The following TENT4B variants were observed in gnomAD, a reference collection of about 807,000 sequenced individuals.
The protein encoded by TENT4B is terminal nucleotidyltransferase 4B, also known as PAP associated domain containing 5.
In TENT4B, 10 loss-of-function variants were observed where a neutral mutation model predicts 75.0. The ratio of observed to expected loss-of-function variants is 0.13; its 90% CI spans 0.08 to 0.23. The LOEUF (loss-of-function observed/expected upper bound fraction) is 0.23. TENT4B is among the 10% of genes least tolerant of loss of function. The pLI, the probability that TENT4B is intolerant of heterozygous loss-of-function variation, is 1.00. For missense variants in TENT4B, 579 were observed against 893.8 expected (o/e 0.65, Z 4.49); for synonymous variants, 350 against 357.7 (o/e 0.98, Z 0.24).
Position 50,159,822 on chromosome 16 carries a change from T to C in TENT4B, c.638+5563T>C, listed in dbSNP as rs148939669. 1.1e-4 allele frequency among the ~76,000 whole-genome samples: 16 copies of C among 151,764 alleles called. No homozygotes were observed. The East Asian group carries it at 2.9e-3, about 28-fold the overall frequency. Reference sequence around the variant, plus strand: ...TAGTGTAGATTGTACACTAACAATATAATTCATATTTAAGAATGTCTCAAA... The same window carrying C: ...TAGTGTAGATTGTACACTAACAATACAATTCATATTTAAGAATGTCTCAAA... On this transcript the variant is annotated intron_variant, in intron 1 of 11. Coordinates refer to ENST00000561678, the MANE Select transcript of TENT4B (RefSeq NM_001365324.3).
chr16:50,204,770 C>T lies in TENT4B; in HGVS notation c.639-6553C>T, dbSNP rs77342471. Among the ~76,000 whole-genome samples, 761 of 152,312 alleles carry T rather than the reference C, an allele frequency of 5.0e-3. 1 individual carries two copies. The highest frequency in any genetic ancestry group is 0.017 in the Middle Eastern group (5 of 294). On this transcript the variant is annotated intron_variant, in intron 1 of 11. Coordinates refer to ENST00000561678, the MANE Select transcript of TENT4B (RefSeq NM_001365324.3). Reference sequence around the variant, plus strand: ...TTTTGTGTATTCTTCCAGAAATTTGCCTTGCAACGCGTTTGAGTATATAAA... The same window carrying T: ...TTTTGTGTATTCTTCCAGAAATTTGTCTTGCAACGCGTTTGAGTATATAAA...
intron 1 of TENT4B, among the ~76,000 whole-genome samples, chr16:50,168,062 GTTT>G (rs1450525221): frequency 1.3e-5 from 2 of 149,720 alleles, no homozygotes; most frequent in Non-Finnish European, 3.0e-5. Flanking sequence ...AATGACTCTT[GTTT>G]CCTCATTGAG....
chr16:50,171,285 C>T (rs1052071121), intron 1 of TENT4B, among the ~76,000 whole-genome samples: 5 of 152,028 alleles, frequency 3.3e-5, no homozygotes, highest in Admixed American at 1.3e-4. Flanking sequence ...CCTGTAGTCC[C>T]GGTTACTTGG....
At chr16:50,188,023 G>A (rs2038567587) in intron 1 of TENT4B, among the ~76,000 whole-genome samples, 1 of 152,106 alleles carries the variant, frequency 6.6e-6, no homozygotes, top group Non-Finnish European at 1.5e-5. Context: ...TCTCACCTTG[G>A]CCTGCAGTGC....
At position 50,153,958 on chromosome 16, in the gene TENT4B, A is replaced by AACAACC; in HGVS notation, c.340_345dup (p.Asn114_His115dup). On this transcript the variant is annotated inframe_insertion, in exon 1 of 12. Coordinates refer to ENST00000561678, the MANE Select transcript of TENT4B (RefSeq NM_001365324.3). ...GCCCCTAGAGACGACCAACAACAACAACAACCACCACCAGCCCGGGGCCTG... is the reference window on the plus strand; with the variant it reads ...GCCCCTAGAGACGACCAACAACAACAACAACCACAACCACCACCAGCCCGGGGCCTG... The AACAACC allele has an allele frequency of 6.5e-7, 1 of 1,533,450 alleles. No individual in the cohort carries two copies. The highest frequency in any genetic ancestry group is 8.7e-7 in the Non-Finnish European group (1 of 1,145,890). 95.0% of individuals were successfully genotyped at this position (1,533,450 alleles called of 1,614,324 possible).
At chr16:50,186,537 C>T (rs538923124) in intron 1 of TENT4B, among the ~76,000 whole-genome samples, 2 of 152,120 alleles carry the variant, frequency 1.3e-5, no homozygotes, top group Non-Finnish European at 2.9e-5. Flanking sequence ...ATAATGCTGC[C>T]GTGAACATTG....
At chr16:50,158,434 C>T (rs1336618169) in intron 1 of TENT4B, among the ~76,000 whole-genome samples, 1 of 152,170 alleles carries the variant, frequency 6.6e-6, no homozygotes, top group Admixed American at 6.6e-5. Context: ...TTGGGCTTTG[C>T]TCCCCTCCAG....
Position 50,233,654 on chromosome 16 carries a change from A to G in TENT4B, c.*4326A>G, listed in dbSNP as rs115354890. ...GACAGTTTTTAGTTAATAAACTGCT[A>G]ATGTTTATTTTACTGTCTCTCAGGT... On this transcript the variant is annotated 3_prime_UTR_variant, in exon 12 of 12. Transcript: ENST00000561678. 436 of 982,822 alleles carry G rather than the reference A, an allele frequency of 4.4e-4. 1 individual carries two copies. In the African/African-American group the frequency reaches 6.5e-3, roughly 15 times the overall value. 60.9% of individuals were successfully genotyped at this position (982,822 alleles called of 1,614,324 possible). A position where few individuals can be genotyped will look rare whatever the true frequency, so the allele number is the denominator to read the frequency against.
chr16:50,200,749 C>A (rs1416071640), intron 1 of TENT4B, among the ~76,000 whole-genome samples: 1 of 151,082 alleles, frequency 6.6e-6, no homozygotes. Context: ...ATCATGAGTT[C>A]TTTGTCTATT....
At chr16:50,156,871 A>G (rs913663659) in intron 1 of TENT4B, among the ~76,000 whole-genome samples, 3 of 151,862 alleles carry the variant, frequency 2.0e-5, no homozygotes, top group African/African-American at 7.3e-5. Context: ...TTTGTTGCCT[A>G]GGCTGGTCTT....
chr16:50,167,919 A>G (rs1264410904), intron 1 of TENT4B, among the ~76,000 whole-genome samples: 1 of 152,030 alleles, frequency 6.6e-6, no homozygotes, highest in Admixed American at 6.6e-5. Context: ...GGCCTCCCCA[A>G]GTGCTGGGAT....
rs528440309 is a variant in TENT4B at position 50,198,005 on chromosome 16, T to C, written c.639-13318T>C. Among the ~76,000 whole-genome samples, 7 of 152,238 alleles carry C rather than the reference T, an allele frequency of 4.6e-5. No individual in the cohort carries two copies. In the East Asian group the frequency reaches 1.3e-3, roughly 29 times the overall value. On this transcript the variant is annotated intron_variant, in intron 1 of 11. Transcript: ENST00000561678. Reference sequence around the variant, plus strand: ...CAGGATGCCTGCCCTCACCATGTTATTTGATCTTATTTTAGTAATTCTAGC... The same window carrying C: ...CAGGATGCCTGCCCTCACCATGTTACTTGATCTTATTTTAGTAATTCTAGC...
At chr16:50,194,082 T>A (rs2030038065) in intron 1 of TENT4B, among the ~76,000 whole-genome samples, 1 of 152,238 alleles carries the variant, frequency 6.6e-6, no homozygotes, top group Non-Finnish European at 1.5e-5. Context: ...GTGGTCCTAA[T>A]ATTTGGTGTG....
chr16:50,222,283 G>T, intron 5 of TENT4B, 23 bp from the exon 6 acceptor site: 1 of 1,558,008 alleles, frequency 6.4e-7, no homozygotes, highest in Non-Finnish European at 8.7e-7. Flanking sequence ...GGAATTCATT[G>T]AAAATACAAT....
upstream of TENT4B, chr16:50,152,992 C>T: frequency 2.6e-6 from 4 of 1,515,974 alleles, no homozygotes; most frequent in East Asian, 2.6e-5. Context: ...GAAGCCGAGG[C>T]GGAGAAGCCG....
intron 1 of TENT4B, among the ~76,000 whole-genome samples, chr16:50,196,229 T>G: frequency 6.6e-6 from 1 of 152,222 alleles, no homozygotes; most frequent in East Asian, 1.9e-4. Flanking sequence ...GTTTTGTGCA[T>G]ATCCAGAAAA....
At chr16:50,190,075 C>CAAA (rs754925816) in intron 1 of TENT4B, among the ~76,000 whole-genome samples, 1 of 41,944 alleles carries the variant, frequency 2.4e-5, no homozygotes, top group African/African-American at 6.0e-5. Context: ...GACTCTGTTT[C>CAAA]AAAAAAAAAA....
chr16:50,214,416 G>A (rs2031444182), intron 3 of TENT4B, 149 bp downstream of exon 3: 1 of 609,418 alleles, frequency 1.6e-6, no homozygotes. Context: ...AGCACTTCGG[G>A]AGGCCAAGGA....
chr16:50,160,243 C>T (rs929138957), intron 1 of TENT4B, among the ~76,000 whole-genome samples: 2 of 152,160 alleles, frequency 1.3e-5, no homozygotes, highest in Admixed American at 1.3e-4. Context: ...TATCCAAAAT[C>T]TGTGATCATT....
Sources: gnomAD v4.1 joint callset for allele counts (sites outside exome capture counted in the v4.1 genomes callset) on GRCh38, gnomAD v4.1.1 for gene constraint, MANE v1.5 for transcripts, NCBI Gene and HGNC (gene_info 2026-07-23, HGNC 2026-07-21) for gene names.